Variants in MACROD2 observed in about 807,000 individuals in gnomAD.
MACROD2 encodes the protein mono-ADP ribosylhydrolase 2, also known as ADP-ribose glycohydrolase MACROD2.
In MACROD2, 36 loss-of-function variants were observed where a neutral mutation model predicts 70.4. The ratio of observed to expected loss-of-function variants is 0.51; its 90% CI spans 0.39 to 0.68. The LOEUF is 0.68. Ranked by LOEUF, MACROD2 falls within the 30% of genes least tolerant of loss-of-function variation. MACROD2 has a pLI of 0.00. For missense variants in MACROD2, 496 were observed against 538.4 expected, an observed-to-expected ratio of 0.92 and a Z score of 0.78; for synonymous variants, 172 against 178.8, an observed-to-expected ratio of 0.96 and a Z score of 0.30.
At chr20:15,622,701 C>T (rs752317250) in intron 8 of MACROD2, among the ~76,000 whole-genome samples, 1 of 152,190 alleles carries the variant, frequency 6.6e-6, no homozygotes, top group Non-Finnish European at 1.5e-5. Context: ...ATCCACCTCA[C>T]TTCATCTCCT....
At chr20:14,060,996 A>G (rs2053684590) in intron 2 of MACROD2, among the ~76,000 whole-genome samples, 1 of 152,170 alleles carries the variant, frequency 6.6e-6, no homozygotes, top group South Asian at 2.1e-4. Context: ...TACACTAAAC[A>G]AAAAAGGGGG....
At chr20:15,987,693 A>G (rs1454853101) in intron 15 of MACROD2, among the ~76,000 whole-genome samples, 1 of 152,190 alleles carries the variant, frequency 6.6e-6, no homozygotes, top group Non-Finnish European at 1.5e-5. Flanking sequence ...TGAAAACTCA[A>G]GAGGAATGAA....
At chr20:14,438,630 A>G (rs987481010) in intron 3 of MACROD2, among the ~76,000 whole-genome samples, 2 of 152,142 alleles carry the variant, frequency 1.3e-5, no homozygotes, top group Admixed American at 6.6e-5. Flanking sequence ...GTTATCTCAC[A>G]GTGGTTTTCA....
At chr20:15,837,599 C>T (rs1268146993) in intron 8 of MACROD2, among the ~76,000 whole-genome samples, 2 of 152,132 alleles carry the variant, frequency 1.3e-5, no homozygotes, top group Admixed American at 1.3e-4. Context: ...CATTTTCCTC[C>T]TCAGGTCACC....
At chr20:15,691,051 G>T (rs1399946956) in intron 8 of MACROD2, among the ~76,000 whole-genome samples, 1 of 152,180 alleles carries the variant, frequency 6.6e-6, no homozygotes, top group Non-Finnish European at 1.5e-5. Context: ...GGTTACAAAA[G>T]TAGTGAGTGG....
chr20:15,729,831 C>CTTTTTTT (rs61542762), intron 8 of MACROD2, among the ~76,000 whole-genome samples: 1 of 64,772 alleles, frequency 1.5e-5, no homozygotes, highest in South Asian at 6.4e-4. Flanking sequence ...TTGGGTCATG[C>CTTTTTTT]TTTTTTTTTT....
chr20:14,927,649 C>CT (rs371600760), intron 5 of MACROD2, among the ~76,000 whole-genome samples: 1 of 152,086 alleles, frequency 6.6e-6, no homozygotes, highest in African/African-American at 2.4e-5. Flanking sequence ...GTAGTTTTAG[C>CT]TTTTTGTCTT....
At chr20:15,999,192 A>AT (rs1346152820) in intron 15 of MACROD2, among the ~76,000 whole-genome samples, 1 of 151,686 alleles carries the variant, frequency 6.6e-6, no homozygotes, top group Non-Finnish European at 1.5e-5. Flanking sequence ...TGGTGTTTCC[A>AT]TTTTTGTTTG....
intron 4 of MACROD2, among the ~76,000 whole-genome samples, chr20:14,503,875 A>G (rs1455869113): frequency 6.6e-6 from 1 of 152,226 alleles, no homozygotes; most frequent in Non-Finnish European, 1.5e-5. Flanking sequence ...CATGATTGGA[A>G]AAAGCATAAT....
Position 15,206,721 on chromosome 20 carries a change from GTTTTTTTTTTT to G in MACROD2, c.419-23203_419-23193del, listed in dbSNP as rs56752104. Among the ~76,000 whole-genome samples the G allele has an allele frequency of 2.7e-4, 9 of 33,000 alleles. 1 individual carries two copies. The highest frequency in any genetic ancestry group is 9.2e-4 in the African/African-American group (6 of 6,544). The allele number at this position is 33,000 out of a possible 152,430, so 21.6% of individuals were successfully genotyped here. On this transcript the variant is annotated intron_variant, in intron 5 of 17. Coordinates refer to ENST00000684519, the MANE Select transcript of MACROD2 (RefSeq NM_001351661.2). ...GCATGAAGTCTTTCATATTATCTAT[GTTTTTTTTTTT>G]TTTTTTTTTTTTTTTGAGACGGAGT...
intron 3 of MACROD2, among the ~76,000 whole-genome samples, chr20:14,362,742 A>C (rs1436273555): frequency 2.0e-5 from 3 of 152,164 alleles, no homozygotes; most frequent in Non-Finnish European, 2.9e-5. Context: ...TAAAGCAATG[A>C]ATTGACACCT....
chr20:15,096,657 G>A (rs1307233826), intron 5 of MACROD2, among the ~76,000 whole-genome samples: 1 of 151,012 alleles, frequency 6.6e-6, no homozygotes, highest in Non-Finnish European at 1.5e-5. Flanking sequence ...GACTATAGAT[G>A]TGCACCACTG....
At chr20:15,804,158 A>G (rs1045017168) in intron 8 of MACROD2, among the ~76,000 whole-genome samples, 2 of 152,204 alleles carry the variant, frequency 1.3e-5, no homozygotes, top group Non-Finnish European at 1.5e-5. Context: ...ATTCCATCAG[A>G]TCAGGCCCTA....
intron 2 of MACROD2, among the ~76,000 whole-genome samples, chr20:14,036,584 C>T (rs1423791517): frequency 6.6e-6 from 1 of 152,164 alleles, no homozygotes; most frequent in Non-Finnish European, 1.5e-5. Context: ...GTAACTTTGC[C>T]TTTTACTTCA....
At chr20:15,355,442 CTTGTAAAATCTGGGTGCATCTTCCCAGCA>C (rs1029792088) in intron 6 of MACROD2, among the ~76,000 whole-genome samples, 16 of 152,312 alleles carry the variant, frequency 1.1e-4, no homozygotes, top group Non-Finnish European at 1.6e-4. Context: ...ATGCCCTCTC[CTTGTAAAATCTGGGTGCATCTTCCCAGCA>C]CATCAATGCA....
At chr20:14,469,849 A>T (rs2084506184) in intron 3 of MACROD2, among the ~76,000 whole-genome samples, 1 of 151,890 alleles carries the variant, frequency 6.6e-6, no homozygotes, top group African/African-American at 2.4e-5. Context: ...CAAGGTTCTT[A>T]GCTTCCTTGT....
In MACROD2 at chr20:14,326,898, G is replaced by A. The variant is rs748120761; in HGVS notation, c.272-166581G>A. 6.8e-6 allele frequency: 11 copies of A among 1,613,634 alleles called. No individual in the cohort carries two copies. The highest frequency in any genetic ancestry group is 9.3e-6 in the Non-Finnish European group (11 of 1,179,808). On this transcript the variant is annotated intron_variant, in intron 3 of 17. Coordinates refer to ENST00000684519, the MANE Select transcript of MACROD2 (RefSeq NM_001351661.2). This position sits in a 1 kb window ranked among gnomAD's most constrained non-coding sequence, Gnocchi z 5.5. ...TCAACAGGTTTCCATCTAGAACCAG[G>A]CGTTTTAGACTAGTGAGACCTTGAA...
chr20:14,263,025 A>G (rs1244678025), intron 3 of MACROD2, among the ~76,000 whole-genome samples: 4 of 152,232 alleles, frequency 2.6e-5, no homozygotes, highest in Admixed American at 2.6e-4. Context: ...AGAGAGGCAC[A>G]GATTGAAAAT....
intron 5 of MACROD2, among the ~76,000 whole-genome samples, chr20:14,862,027 A>ATT (rs1491437365): frequency 1.5e-4 from 2 of 13,482 alleles, no homozygotes; most frequent in African/African-American, 5.5e-4. Flanking sequence ...ATTTATATAT[A>ATT]TTTATATATA....
Sources: gnomAD v4.1 joint callset for allele counts (sites outside exome capture counted in the v4.1 genomes callset) on GRCh38, gnomAD v4.1.1 for gene constraint, Gnocchi (gnomAD v3.1) non-coding constraint, MANE v1.5 for transcripts, NCBI Gene and HGNC (gene_info 2026-07-23, HGNC 2026-07-21) for gene names.